Variants in CUX1 observed in about 807,000 individuals in gnomAD.
The protein encoded by CUX1 is cut like homeobox 1, also known as protein CASP.
A neutral mutation model predicts 158.8 loss-of-function variants in CUX1; 31 were observed. The ratio of observed to expected loss-of-function variants is 0.20; its 90% CI spans 0.15 to 0.26. The LOEUF is 0.26. Ranked by LOEUF, CUX1 falls within the 10% of genes least tolerant of loss-of-function variation. The probability of loss-of-function intolerance (pLI) is 1.00; values close to 1 mark genes in which losing one functional copy is unlikely to be tolerated. For synonymous variants in CUX1, 879 were observed against 862.1 expected (o/e 1.02, Z -0.34); for missense variants, 1,589 against 2,014.6 (o/e 0.79, Z 4.04).
chr7:101,993,244 C>T (rs76241651), intron 2 of CUX1, among the ~76,000 whole-genome samples: 3 of 152,146 alleles, frequency 2.0e-5, no homozygotes, highest in Non-Finnish European at 4.4e-5. Flanking sequence ...GCAGGAGAAT[C>T]GCTTGAACCC....
At chr7:101,884,939 G>A (rs896401477) in intron 1 of CUX1, among the ~76,000 whole-genome samples, 4 of 152,104 alleles carry the variant, frequency 2.6e-5, no homozygotes, top group African/African-American at 9.7e-5. Context: ...TGCAGGCCTC[G>A]ACTGTGAGCC....
chr7:102,196,488 C>A, intron 14 of CUX1, 146 bp from the exon 15 acceptor site: 1 of 672,126 alleles, frequency 1.5e-6, no homozygotes, highest in Non-Finnish European at 2.4e-6. Context: ...GAAAACAAAC[C>A]AACCCACCTC....
intron 2 of CUX1, among the ~76,000 whole-genome samples, chr7:101,950,302 G>A (rs1397179860): frequency 2.0e-5 from 3 of 152,056 alleles, no homozygotes; most frequent in African/African-American, 4.8e-5. Context: ...GAGCCACTGC[G>A]CTCGGCCCAG....
intron 8 of CUX1, among the ~76,000 whole-genome samples, chr7:102,157,531 G>C (rs1240604536): frequency 6.6e-6 from 1 of 152,210 alleles, no homozygotes; most frequent in Non-Finnish European, 1.5e-5. Context: ...TGTAATTCCA[G>C]CACTTTGGGA....
chr7:102,195,446 T>TGGCCCCGGGAGCGGGTGAGTGGCC, intron 13 of CUX1, 61 bp from the exon 14 acceptor site: 1 of 1,392,444 alleles, frequency 7.2e-7, no homozygotes, highest in Non-Finnish European at 9.9e-7. Flanking sequence ...CCAGGCCTGG[T>TGGCCCCGGGAGCGGGTGAGTGGCC]GGCCCCGGGA....
Position 102,248,717 on chromosome 7 carries a change from G to A in CUX1, c.4193G>A (p.Gly1398Asp). ...GACCACGAGGGAGGCCCCGTGGAAGGCCCGGGGCCCCTGCCCAGCCCCGCC... is the reference window on the plus strand; with the variant it reads ...GACCACGAGGGAGGCCCCGTGGAAGACCCGGGGCCCCTGCCCAGCCCCGCC... ...DDDHEGGPVEGPGPLPSPASA... is the reference protein window; with the variant it reads ...DDDHEGGPVEDPGPLPSPASA... The change falls in exon 24 of 24, where the codon GGC becomes GAC. Residue 1398 changes from glycine to aspartate, a missense_variant. Physicochemically the swap from Gly to Asp is moderately conservative, Grantham distance 94. This residue lies in a region of CUX1 where 344 missense variants were observed against 323.7 expected (regional missense o/e 1.06). Coordinates refer to ENST00000292535, the MANE Select transcript of CUX1 (RefSeq NM_181552.4). This position sits in a 1 kb window ranked among gnomAD's most constrained non-coding sequence, Gnocchi z 5.8. 1 of 1,173,172 alleles carries A rather than the reference G, an allele frequency of 8.5e-7. No homozygotes were observed. Among genetic ancestry groups the A allele is most frequent in the South Asian group, 2.6e-5 (1 of 39,206 alleles). The allele number at this position is 1,173,172 out of a possible 1,614,324, so 72.7% of individuals were successfully genotyped here.
chr7:102,251,187 C>T lies in CUX1; in HGVS notation c.*2145C>T. On this transcript the variant is annotated 3_prime_UTR_variant, in exon 24 of 24. Coordinates refer to ENST00000292535, the MANE Select transcript of CUX1 (RefSeq NM_181552.4). Reference sequence around the variant, plus strand: ...GTCTTAGGTCAACATCTTTGGATGACATTTTAATGGTGCATTCATTATTTC... The same window carrying T: ...GTCTTAGGTCAACATCTTTGGATGATATTTTAATGGTGCATTCATTATTTC... The T allele has an allele frequency of 1.0e-6, 1 of 975,362 alleles. No individual in the cohort carries two copies. The highest frequency in any genetic ancestry group is 1.2e-6 in the Non-Finnish European group (1 of 825,610). The allele number at this position is 975,362 out of a possible 1,614,324, so 60.4% of individuals were successfully genotyped here. A position where few individuals can be genotyped will look rare whatever the true frequency, so the allele number is the denominator to read the frequency against.
chr7:102,214,182 A>G (rs1796819430), intron 20 of CUX1, among the ~76,000 whole-genome samples: 1 of 152,118 alleles, frequency 6.6e-6, no homozygotes, highest in South Asian at 2.1e-4. Context: ...TCTCTTACGG[A>G]TGGAGTAAAC....
intron 14 of CUX1, among the ~76,000 whole-genome samples, chr7:102,196,316 C>T (rs974469010): frequency 3.0e-4 from 45 of 152,326 alleles, no homozygotes; most frequent in Non-Finnish European, 5.4e-4. Context: ...GCCCGCGACC[C>T]GTCAACTCTT....
chr7:101,823,992 A>G (rs1462444542), intron 1 of CUX1, among the ~76,000 whole-genome samples: 1 of 152,220 alleles, frequency 6.6e-6, no homozygotes, highest in Non-Finnish European at 1.5e-5. Flanking sequence ...AAGCAAGACA[A>G]TTTTTCTTAA....
intron 3 of CUX1, 94 bp downstream of exon 3, chr7:102,028,239 C>G (rs1209719627): frequency 1.5e-6 from 2 of 1,353,524 alleles, no homozygotes; most frequent in Non-Finnish European, 2.1e-6. Context: ...GCAAAAGGTG[C>G]TGCCCAGATG....
chr7:101,992,172 C>T (rs936401973), intron 2 of CUX1, among the ~76,000 whole-genome samples: 3 of 152,024 alleles, frequency 2.0e-5, no homozygotes, highest in Non-Finnish European at 2.9e-5. Context: ...GAGGGGGGTG[C>T]ACTTCTTCTA....
chr7:102,040,042 G>A (rs189448084), intron 3 of CUX1, among the ~76,000 whole-genome samples: 3 of 152,308 alleles, frequency 2.0e-5, no homozygotes, highest in African/African-American at 7.2e-5. Flanking sequence ...TTCATTCAAC[G>A]CAACCTTTTC....
In CUX1 at chr7:102,219,055, AACACACACAC is replaced by A. The variant is rs3138788; in HGVS notation, c.3131-8281_3131-8272del. On this transcript the variant is annotated intron_variant, in intron 20 of 23. Coordinates refer to ENST00000292535, the MANE Select transcript of CUX1 (RefSeq NM_181552.4). The stretch of plus-strand genomic sequence containing the variant: ...ACAACAGATCAAGACCCTGCCTCAA[AACACACACAC>A]ACACACACACACACACACACACACA... Among the ~76,000 whole-genome samples, 76 of 126,358 alleles carry A rather than the reference AACACACACAC, an allele frequency of 6.0e-4. 1 individual carries two copies. The highest frequency in any genetic ancestry group is 8.9e-4 in the Non-Finnish European group (55 of 61,512). The allele number at this position is 126,358 out of a possible 152,430, so 82.9% of individuals were successfully genotyped here.
In CUX1 at chr7:101,907,829, C is replaced by T. The variant is rs1802933656; in HGVS notation, c.31-8286C>T. Among the ~76,000 whole-genome samples the T allele has an allele frequency of 2.6e-5, 4 of 151,990 alleles. No individual in the cohort carries two copies. The South Asian group carries it at 8.3e-4, about 32-fold the overall frequency. ...GGGAAAAAATAAGATTTTAAAATATCAATGTTTAGCCAGACTCAGTGGCTT... is the reference window on the plus strand; with the variant it reads ...GGGAAAAAATAAGATTTTAAAATATTAATGTTTAGCCAGACTCAGTGGCTT... On this transcript the variant is annotated intron_variant, in intron 1 of 23. Transcript: ENST00000292535.
intron 1 of CUX1, among the ~76,000 whole-genome samples, chr7:101,820,312 A>C (rs923066529): frequency 6.6e-6 from 1 of 152,242 alleles, no homozygotes; most frequent in Non-Finnish European, 1.5e-5. Context: ...GTAAGCAGAG[A>C]AATTCATCAT....
intron 4 of CUX1, among the ~76,000 whole-genome samples, chr7:102,092,951 A>C (rs1828764440): frequency 6.6e-6 from 1 of 150,618 alleles, no homozygotes; most frequent in South Asian, 2.1e-4. Flanking sequence ...GAAAAGAAAA[A>C]AAGAGCTCCT....
At chr7:101,971,820 A>G (rs9969318) in intron 2 of CUX1, among the ~76,000 whole-genome samples, 37,990 of 152,134 alleles carry the variant, frequency 0.25, 6,048 homozygotes, top group African/African-American at 0.44. Context: ...GGTATCTTAC[A>G]GCTTAATAGA....
chr7:101,839,801 G>T (rs1409868207), intron 1 of CUX1, among the ~76,000 whole-genome samples: 1 of 151,534 alleles, frequency 6.6e-6, no homozygotes, highest in Non-Finnish European at 1.5e-5. Context: ...TGCTCTTGTT[G>T]CCCAGGCTGG....
Sources: gnomAD v4.1 joint callset for allele counts (sites outside exome capture counted in the v4.1 genomes callset) on GRCh38, gnomAD v4.1.1 for gene constraint, gnomAD v4.1.1 regional missense constraint, Gnocchi (gnomAD v3.1) non-coding constraint, MANE v1.5 for transcripts, NCBI Gene and HGNC (gene_info 2026-07-23, HGNC 2026-07-21) for gene names.